The following RMND5A variants were observed in gnomAD, a reference collection of about 807,000 sequenced individuals.
RMND5A encodes the protein E3 ubiquitin-protein transferase RMND5A.
In RMND5A, 17 loss-of-function variants were observed where a neutral mutation model predicts 49.7. The observed-to-expected ratio is 0.34, with a 90% confidence interval of 0.23 to 0.51. RMND5A has a LOEUF of 0.51. Among genes scored for constraint, RMND5A ranks in the 20% least tolerant of loss-of-function variants. The pLI, the probability that RMND5A is intolerant of heterozygous loss-of-function variation, is 0.96. For synonymous variants in RMND5A, 156 were observed against 167.7 expected, an observed-to-expected ratio of 0.93 and a Z score of 0.54; for missense variants, 255 against 471.3, an observed-to-expected ratio of 0.54 and a Z score of 4.25.
At chr2:86,750,820 A>G (rs1681622080) in intron 2 of RMND5A, among the ~76,000 whole-genome samples, 1 of 142,570 alleles carries the variant, frequency 7.0e-6, no homozygotes, top group African/African-American at 2.6e-5. Context: ...AATTCTATTG[A>G]TTTTCACTGA....
Position 86,753,515 on chromosome 2 carries a change from A to G in RMND5A, c.478A>G (p.Ile160Val). 6.2e-7 allele frequency: 1 copy of G among 1,611,864 alleles called. No homozygotes were observed. The highest frequency in any genetic ancestry group is 8.5e-7 in the Non-Finnish European group (1 of 1,178,212). The change falls in exon 4 of 9, where the codon ATA (isoleucine) becomes GTA (valine). Residue 160 changes from isoleucine to valine, a missense_variant. By Grantham distance (29) the Ile-to-Val change is conservative. Coordinates refer to ENST00000283632, the MANE Select transcript of RMND5A (RefSeq NM_022780.4). ...QKEPFVELNRILEALKVRVLR... is the reference protein window; with the variant it reads ...QKEPFVELNRVLEALKVRVLR... ...GGAACCATTTGTGGAGTTAAATAGA[A>G]TATTAGAGGCATTAAAGGTCAGAGT...
chr2:86,771,505 G>A (rs745370312), intron 7 of RMND5A, 53 bp from the exon 8 acceptor site: 232 of 1,518,718 alleles, frequency 1.5e-4, no homozygotes, highest in Non-Finnish European at 1.8e-4. Context: ...CCATGTGGAT[G>A]GTTTTGTGAA....
intron 4 of RMND5A, among the ~76,000 whole-genome samples, chr2:86,754,985 A>G (rs1327026591): frequency 6.6e-6 from 1 of 152,208 alleles, no homozygotes; most frequent in African/African-American, 2.4e-5. Flanking sequence ...TAAGAACTGT[A>G]TCTCTGTGTA....
intron 1 of RMND5A, among the ~76,000 whole-genome samples, chr2:86,721,287 C>T (rs1199256323): frequency 1.3e-5 from 2 of 151,896 alleles, no homozygotes; most frequent in African/African-American, 4.9e-5. Flanking sequence ...AATCCTTGGC[C>T]AGGGGACTTC....
At chr2:86,764,807 A>T (rs968756000) in intron 4 of RMND5A, among the ~76,000 whole-genome samples, 2 of 152,206 alleles carry the variant, frequency 1.3e-5, no homozygotes, top group Non-Finnish European at 2.9e-5. Context: ...GTGATTGTCT[A>T]TCTTAATGCT....
intron 1 of RMND5A, among the ~76,000 whole-genome samples, chr2:86,733,100 A>T (rs1481872485): frequency 1.4e-5 from 1 of 72,438 alleles, no homozygotes; most frequent in Non-Finnish European, 2.7e-5. Context: ...AAGATGCTAA[A>T]CATTCTGTGA....
intron 4 of RMND5A, among the ~76,000 whole-genome samples, chr2:86,760,981 TG>T (rs770772877): frequency 7.5e-4 from 114 of 151,832 alleles, no homozygotes; most frequent in Non-Finnish European, 1.3e-3. Context: ...TGTGTGTGTG[TG>T]TGTGTGTGTG....
At chr2:86,720,920 C>T in intron 1 of RMND5A, 111 bp downstream of exon 1, 2 of 1,064,384 alleles carry the variant, frequency 1.9e-6, no homozygotes, top group East Asian at 5.8e-5. Context: ...CGGCCCTTGC[C>T]TCCCCTGAGG....
intron 4 of RMND5A, among the ~76,000 whole-genome samples, chr2:86,758,993 T>C (rs188978958): frequency 1.3e-5 from 2 of 152,304 alleles, no homozygotes; most frequent in African/African-American, 2.4e-5. Flanking sequence ...CCCAAGAGTA[T>C]AGCCTTAAAG....
At chr2:86,742,828 A>G (rs1192093823) in intron 2 of RMND5A, among the ~76,000 whole-genome samples, 14 of 150,534 alleles carry the variant, frequency 9.3e-5, no homozygotes, top group Admixed American at 4.0e-4. Flanking sequence ...AGTAGAACCA[A>G]AGGTGGTATG....
chr2:86,771,397 A>G (rs1344198425), intron 7 of RMND5A, 161 bp from the exon 8 acceptor site: 5 of 523,576 alleles, frequency 9.5e-6, no homozygotes, highest in East Asian at 3.0e-5. Context: ...AACACTTTGA[A>G]TCACTAAGAC....
intron 4 of RMND5A, among the ~76,000 whole-genome samples, chr2:86,763,792 A>G (rs544229124): frequency 9.1e-4 from 138 of 152,120 alleles, no homozygotes; most frequent in African/African-American, 3.1e-3. Context: ...AAAAAAAAGT[A>G]CATTATTGTC....
chr2:86,754,705 G>A (rs6728715), intron 4 of RMND5A, among the ~76,000 whole-genome samples: 4,955 of 152,022 alleles, frequency 0.033, 286 homozygotes, highest in African/African-American at 0.11. Context: ...ACAGGACTGT[G>A]CCGTTATGCC....
Position 86,771,670 on chromosome 2 carries a change from T to C in RMND5A, c.1070T>C (p.Ile357Thr), listed in dbSNP as rs1377549062. The part of the protein sequence containing the change: ...NPPMKLVCGH[I>T]ISRDALNKMF... Reference sequence around the variant, plus strand: ...CCCATGAAATTGGTCTGTGGTCATATTATATCAAGAGATGCCCTGAATAAA... The same window carrying C: ...CCCATGAAATTGGTCTGTGGTCATACTATATCAAGAGATGCCCTGAATAAA... The change falls in exon 8 of 9, where the codon ATT (isoleucine) becomes ACT (threonine). Residue 357 changes from isoleucine (I) to threonine (T), a missense_variant. By Grantham distance (89) the Ile-to-Thr change is moderately conservative (BLOSUM62 -1). Around this residue, in one of 3 missense-constraint regions of RMND5A, gnomAD observed 208 missense variants for 339.8 expected, o/e 0.61. Coordinates refer to ENST00000283632, the MANE Select transcript of RMND5A (RefSeq NM_022780.4). 6.2e-7 allele frequency: 1 copy of C among 1,613,652 alleles called. No individual in the cohort carries two copies. The highest frequency in any genetic ancestry group is 8.5e-7 in the Non-Finnish European group (1 of 1,179,686).
intron 5 of RMND5A, 52 bp from the exon 6 acceptor site, chr2:86,765,807 G>A (rs368315594): frequency 2.2e-5 from 34 of 1,548,772 alleles, no homozygotes; most frequent in Middle Eastern, 1.7e-4. Flanking sequence ...CTTGCTTTTC[G>A]CAGCTTATTA....
rs1672749366 is a variant in RMND5A, at chr2:86,775,324, CTTTCTTTTTTTTTTTT to C, written c.*1917_*1932del. The C allele has an allele frequency of 2.5e-5, 2 of 78,434 alleles. No homozygotes were observed. The highest frequency in any genetic ancestry group is 6.4e-4 in the East Asian group (1 of 1,574). The allele number at this position is 78,434 out of a possible 1,614,324, so 4.9% of individuals were successfully genotyped here. On this transcript the variant is annotated 3_prime_UTR_variant, in exon 9 of 9. Transcript: ENST00000283632. ...AACCTAGAGTGTTGTATTTTTCTTT[CTTTCTTTTTTTTTTTT>C]TTTTTTTTTACCCTTTTTCTCCTTA...
At chr2:86,771,782 G>T in intron 8 of RMND5A, 70 bp downstream of exon 8, 1 of 1,280,902 alleles carries the variant, frequency 7.8e-7, no homozygotes, top group South Asian at 1.3e-5. Context: ...AGGATAAGAA[G>T]TGATGAGGAT....
chr2:86,754,003 A>G (rs1404086734), intron 4 of RMND5A, among the ~76,000 whole-genome samples: 1 of 152,240 alleles, frequency 6.6e-6, no homozygotes, highest in African/African-American at 2.4e-5. Context: ...AAGCTACTCT[A>G]TTCTTAATTA....
intron 1 of RMND5A, among the ~76,000 whole-genome samples, chr2:86,735,037 A>C (rs1236968507): frequency 6.7e-6 from 1 of 148,522 alleles, no homozygotes; most frequent in Non-Finnish European, 1.5e-5. Context: ...TGAATACTTA[A>C]TGTAATATTT....
Sources: gnomAD v4.1 joint callset for allele counts (sites outside exome capture counted in the v4.1 genomes callset) on GRCh38, gnomAD v4.1.1 for gene constraint, gnomAD v4.1.1 regional missense constraint, MANE v1.5 for transcripts, NCBI Gene and HGNC (gene_info 2026-07-23, HGNC 2026-07-21) for gene names.